GPC6: variants seen among roughly 807,000 people sequenced by gnomAD.
The protein encoded by GPC6 is glypican-6.
GPC6 carries 14 observed loss-of-function variants against 55.2 expected under a neutral mutation model. The ratio of observed to expected loss-of-function variants is 0.25; its 90% CI spans 0.17 to 0.40. The LOEUF (loss-of-function observed/expected upper bound fraction) is 0.40. GPC6 is among the 10% of genes least tolerant of loss of function. The probability of loss-of-function intolerance (pLI) is 1.00; values close to 1 mark genes in which losing one functional copy is unlikely to be tolerated. For missense variants in GPC6, 641 were observed against 708.5 expected (o/e 0.90, Z 1.08); for synonymous variants, 278 against 259.6 (o/e 1.07, Z -0.68).
At chr13:93,269,145 T>A (rs1877424142) in intron 1 of GPC6, among the ~76,000 whole-genome samples, 1 of 152,172 alleles carries the variant, frequency 6.6e-6, no homozygotes, top group African/African-American at 2.4e-5. Context: ...AAGACATAGT[T>A]GACCTAGAGA....
chr13:93,794,334 A>G (rs1886135854), intron 2 of GPC6, among the ~76,000 whole-genome samples: 1 of 152,234 alleles, frequency 6.6e-6, no homozygotes, highest in African/African-American at 2.4e-5. Flanking sequence ...GCAAATTCTC[A>G]GGTCCCACCA....
intron 1 of GPC6, among the ~76,000 whole-genome samples, chr13:93,277,321 A>G (rs1877791546): frequency 6.6e-6 from 1 of 152,212 alleles, no homozygotes; most frequent in Non-Finnish European, 1.5e-5. Context: ...TCACATCTAT[A>G]AAACGATGAA....
At chr13:93,652,547 C>A (rs1880460306) in intron 2 of GPC6, among the ~76,000 whole-genome samples, 1 of 152,158 alleles carries the variant, frequency 6.6e-6, no homozygotes. Context: ...GAGGTAGAAA[C>A]AGTGGCTTTT....
chr13:94,173,975 C>A (rs542387544), intron 4 of GPC6, among the ~76,000 whole-genome samples: 2 of 152,176 alleles, frequency 1.3e-5, no homozygotes, highest in Admixed American at 1.3e-4. Flanking sequence ...TCTTGATTAC[C>A]AACTATGGCA....
At chr13:93,767,192 A>G (rs1885152912) in intron 2 of GPC6, among the ~76,000 whole-genome samples, 1 of 152,136 alleles carries the variant, frequency 6.6e-6, no homozygotes, top group Non-Finnish European at 1.5e-5. Flanking sequence ...TCCTTTTTTT[A>G]GATAATTTCG....
At chr13:94,241,268 T>G (rs1386758933) in intron 4 of GPC6, among the ~76,000 whole-genome samples, 1 of 152,146 alleles carries the variant, frequency 6.6e-6, no homozygotes, top group Non-Finnish European at 1.5e-5. Context: ...AAACAAACAT[T>G]TGTTATTCAA....
intron 6 of GPC6, among the ~76,000 whole-genome samples, chr13:94,313,394 T>C (rs866518430): frequency 6.6e-6 from 1 of 152,216 alleles, no homozygotes; most frequent in East Asian, 1.9e-4. Flanking sequence ...TCACACCCAA[T>C]GGGCAGTGAA....
chr13:93,848,453 A>G (rs767089753), intron 3 of GPC6, among the ~76,000 whole-genome samples: 1 of 152,032 alleles, frequency 6.6e-6, no homozygotes, highest in Non-Finnish European at 1.5e-5. Context: ...GGCTGTTGCC[A>G]CCTTAAGGCA....
intron 4 of GPC6, among the ~76,000 whole-genome samples, chr13:94,236,886 C>T (rs1594085484): frequency 6.9e-6 from 1 of 144,906 alleles, no homozygotes. Context: ...AAGCAGAAAG[C>T]TTTTTTTTTT....
At chr13:93,950,683 A>T (rs1406277108) in intron 3 of GPC6, among the ~76,000 whole-genome samples, 1 of 152,154 alleles carries the variant, frequency 6.6e-6, no homozygotes, top group Admixed American at 6.5e-5. Flanking sequence ...TCATCTGCAG[A>T]CATCTATATT....
chr13:93,766,144 C>T (rs185854971), intron 2 of GPC6, among the ~76,000 whole-genome samples: 9 of 152,184 alleles, frequency 5.9e-5, no homozygotes, highest in Admixed American at 3.9e-4. Context: ...GATTTCTGTT[C>T]CTATTCAAAT....
intron 3 of GPC6, among the ~76,000 whole-genome samples, chr13:93,923,240 A>G (rs757679145): frequency 3.8e-4 from 58 of 152,190 alleles, no homozygotes; most frequent in Non-Finnish European, 7.4e-4. Flanking sequence ...TAGCATTATC[A>G]TTTGTAATAC....
intron 2 of GPC6, among the ~76,000 whole-genome samples, chr13:93,767,823 C>T (rs1885170497): frequency 1.3e-5 from 2 of 152,146 alleles, no homozygotes; most frequent in South Asian, 4.1e-4. Flanking sequence ...TCAACTCATG[C>T]ATGTATAGAA....
chr13:93,653,637 TA>T (rs548335516), intron 2 of GPC6, among the ~76,000 whole-genome samples: 3,548 of 53,000 alleles, frequency 0.067, 74 homozygotes, highest in Non-Finnish European at 0.17. Context: ...ATTTTAAACT[TA>T]AAAAAAATAT....
chr13:93,515,500 C>T (rs1305217216), intron 1 of GPC6, among the ~76,000 whole-genome samples: 2 of 152,108 alleles, frequency 1.3e-5, no homozygotes, highest in African/African-American at 4.8e-5. Flanking sequence ...GATTTTGCCT[C>T]CACCAATGGC....
intron 3 of GPC6, 24 bp from the exon 4 acceptor site, chr13:94,027,699 ATTTTCT>A: frequency 6.2e-7 from 1 of 1,606,828 alleles, no homozygotes; most frequent in Middle Eastern, 1.7e-4. Context: ...CTTATTTTTG[ATTTTCT>A]TTTTCTTTGC....
intron 2 of GPC6, among the ~76,000 whole-genome samples, chr13:93,652,714 C>G (rs1880467721): frequency 6.6e-6 from 1 of 152,154 alleles, no homozygotes; most frequent in Non-Finnish European, 1.5e-5. Context: ...CTAACATGGT[C>G]TTTTCCATAT....
chr13:93,738,585 T>G (rs1884081576), intron 2 of GPC6, among the ~76,000 whole-genome samples: 1 of 152,148 alleles, frequency 6.6e-6, no homozygotes, highest in Admixed American at 6.5e-5. Context: ...CTGCATTTAA[T>G]CCTCATGGTT....
upstream of GPC6, among the ~76,000 whole-genome samples, chr13:93,223,311 C>T (rs577816787): frequency 1.3e-5 from 2 of 152,274 alleles, no homozygotes; most frequent in South Asian, 2.1e-4. Flanking sequence ...TCATGTGATG[C>T]CCAAAACGGG....
Sources: allele counts gnomAD v4.1 joint callset (sites outside exome capture counted in the v4.1 genomes callset), GRCh38; gene constraint gnomAD v4.1.1; transcripts MANE v1.5; gene names NCBI Gene and HGNC (gene_info 2026-07-23, HGNC 2026-07-21).